ENDOU: variants seen among roughly 807,000 people sequenced by gnomAD.
The protein encoded by ENDOU is endonuclease, poly(U) specific.
Under a neutral mutation model 54.2 loss-of-function variants are expected in ENDOU, and 49 were observed. That is an observed-to-expected ratio of 0.90 (90% CI 0.72 to 1.15). ENDOU has a LOEUF of 1.15. ENDOU is among the 50% of genes most tolerant of loss of function. The pLI is 0.00. For synonymous variants in ENDOU, 172 were observed against 190.5 expected, an observed-to-expected ratio of 0.90 and a Z score of 0.80; for missense variants, 458 against 511.4, an observed-to-expected ratio of 0.90 and a Z score of 1.01.
At position 47,718,339 on chromosome 12, in the gene ENDOU, G is replaced by T. The variant is rs189035876; in HGVS notation, c.179-145C>A. 1.3e-3 allele frequency: 819 copies of T among 633,496 alleles called. 6 individuals carry two copies. The African/African-American group carries it at 0.014, about 11-fold the overall frequency. The allele number at this position is 633,496 out of a possible 1,614,324, so 39.2% of individuals were successfully genotyped here. A position where few individuals can be genotyped will look rare whatever the true frequency, so the allele number is the denominator to read the frequency against. On this transcript the variant is annotated intron_variant, in intron 2 of 9. Coordinates refer to ENST00000422538, the MANE Select transcript of ENDOU (RefSeq NM_001172439.2). ...AACAGGGGCTGGGGTCCAATGGACA[G>T]GCACCAAATAATGATGATGAAAACA...
rs145477608 is a variant in ENDOU at position 47,712,547 on chromosome 12, A to T, written c.941T>A (p.Val314Asp). 42 of 1,614,140 alleles carry T rather than the reference A, an allele frequency of 2.6e-5. No homozygotes were observed. In the African/African-American group the frequency reaches 4.8e-4, roughly 18 times the overall value. Residue 314 changes from valine to aspartate, a missense_variant, in exon 8 of 10, where the codon GTT becomes GAT. Val to Asp is a radical substitution (Grantham distance 152, BLOSUM62 -3). Transcript: ENST00000422538. The part of the protein sequence containing the change: ...RFYLEEKEGL[V>D]DYYSHIYDGP... ...ATCGTAGATGTGACTGTAATAGTCA[A>T]CCAGACCCTCCTTCTCCTCCAGGTA... is the stretch of plus-strand genomic sequence containing the variant.
At position 47,725,466 on chromosome 12, in the gene ENDOU, C is replaced by A; in HGVS notation, c.-53G>T. 1 of 1,545,068 alleles carries A rather than the reference C, an allele frequency of 6.5e-7. No homozygotes were observed. The highest frequency in any genetic ancestry group is 1.1e-5 in the South Asian group (1 of 89,424). On this transcript the variant is annotated 5_prime_UTR_variant, in exon 1 of 10. Transcript: ENST00000422538. ...GTGGCTGTTGGACTTTCACTAGAGT[C>A]AGATGAATGTCACAGCTCTCAGACG...
At chr12:47,715,884 C>T (rs758171656) in intron 6 of ENDOU, among the ~76,000 whole-genome samples, 2 of 151,896 alleles carry the variant, frequency 1.3e-5, no homozygotes, top group African/African-American at 4.8e-5. Context: ...GACTTTATTG[C>T]GGGAGGAGGG....
chr12:47,714,051 A>G (rs1315390278), intron 6 of ENDOU, among the ~76,000 whole-genome samples: 1 of 152,206 alleles, frequency 6.6e-6, no homozygotes, highest in Non-Finnish European at 1.5e-5. Context: ...ATAAAACAAA[A>G]AATGTTTTAG....
chr12:47,715,209 G>A (rs1194906743), intron 6 of ENDOU, among the ~76,000 whole-genome samples: 1 of 152,220 alleles, frequency 6.6e-6, no homozygotes, highest in African/African-American at 2.4e-5. Context: ...AGCTGGGGCA[G>A]GTGCAGCCTT....
intron 6 of ENDOU, among the ~76,000 whole-genome samples, chr12:47,713,839 A>C (rs1249375808): frequency 6.6e-6 from 1 of 151,932 alleles, no homozygotes; most frequent in Admixed American, 6.6e-5. Flanking sequence ...CTACACAAAG[A>C]TCTGTGGGGA....
rs1176088871 is a variant in ENDOU, at chr12:47,712,580, A to G, written c.908T>C (p.Ile303Thr). The change falls in exon 8 of 10, where the codon ATC becomes ACC. Residue 303 changes from isoleucine to threonine, a missense_variant. By Grantham distance (89) the Ile-to-Thr change is moderately conservative. Transcript: ENST00000422538. The stretch of plus-strand genomic sequence containing the variant: ...CTCCTTCTCCTCCAGGTAGAAGCGG[A>G]TCCAGTTATGGAAGCCAGTAACCTT... ...KGKVTGFHNW[I>T]RFYLEEKEGL... 6.2e-7 allele frequency: 1 copy of G among 1,614,058 alleles called. No homozygotes were observed. The highest frequency in any genetic ancestry group is 8.5e-7 in the Non-Finnish European group (1 of 1,180,030).
rs1940260186 is a variant in ENDOU, at chr12:47,716,871, A to G, written c.551+19T>C. 1 of 1,613,132 alleles carries G rather than the reference A, an allele frequency of 6.2e-7. No homozygotes were observed. Among genetic ancestry groups the G allele is most frequent in the Non-Finnish European group, 8.5e-7 (1 of 1,179,626 alleles). ...GGGGCAAGATTTAGGGGGTAGAAAG[A>G]GGAATTGTGGGAACTCACGGCTTTG... On this transcript the variant is annotated intron_variant, in intron 5 of 9. Transcript: ENST00000422538.
At chr12:47,723,155 GGAGAGCACC>G (rs1157912026) in intron 1 of ENDOU, among the ~76,000 whole-genome samples, 36 of 152,334 alleles carry the variant, frequency 2.4e-4, no homozygotes, top group African/African-American at 8.4e-4. Context: ...TGGACGTGCA[GGAGAGCACC>G]CCCGCCGGCC....
At position 47,718,084 on chromosome 12, in the gene ENDOU, C is replaced by T. The variant is rs1394437819; in HGVS notation, c.244+45G>A. ...GCCCCTGCTTGTCACCCTCATGTCC[C>T]TCCTGCTTTATCTTGAGGGCCCCCC... is the stretch of plus-strand genomic sequence containing the variant. On this transcript the variant is annotated intron_variant, in intron 3 of 9. Transcript: ENST00000422538. 4.6e-6 allele frequency: 7 copies of T among 1,512,406 alleles called. No homozygotes were observed. The African/African-American group carries it at 8.3e-5, about 18-fold the overall frequency. The allele number at this position is 1,512,406 out of a possible 1,614,324, so 93.7% of individuals were successfully genotyped here.
At chr12:47,723,057 T>C (rs1450680572) in intron 1 of ENDOU, among the ~76,000 whole-genome samples, 2 of 152,208 alleles carry the variant, frequency 1.3e-5, no homozygotes, top group East Asian at 3.8e-4. Flanking sequence ...ATGTTTTTAA[T>C]GGGCCAAATC....
intron 1 of ENDOU, among the ~76,000 whole-genome samples, chr12:47,723,237 A>G (rs911502958): frequency 5.9e-5 from 9 of 152,200 alleles, no homozygotes; most frequent in Admixed American, 5.2e-4. Flanking sequence ...GCCCCATGCC[A>G]GCACTTTCTC....
chr12:47,711,598 A>G (rs1248311245), intron 9 of ENDOU, 35 bp downstream of exon 9: 6 of 1,604,154 alleles, frequency 3.7e-6, no homozygotes, highest in Non-Finnish European at 1.7e-6. Flanking sequence ...CTGCAGCCCC[A>G]GTCTGCCCCC....
Position 47,712,622 on chromosome 12 carries a change from C to A in ENDOU, c.866G>T (p.Gly289Val). 1 of 1,611,264 alleles carries A rather than the reference C, an allele frequency of 6.2e-7. No individual in the cohort carries two copies. The highest frequency in any genetic ancestry group is 1.1e-5 in the South Asian group (1 of 90,900). Residue 289 changes from glycine (G) to valine (V), a missense_variant and splice_region_variant, in exon 8 of 10, where the codon GGT (glycine) becomes GTT (valine). Transcript: ENST00000422538. Reference protein sequence around the residue: ...DSSGFEHVFSGEVKKGKVTGF... With the variant: ...DSSGFEHVFSVEVKKGKVTGF... ...AGTAACCTTGCCTTTTTTTACCTCA[C>A]CTATAATAAAGAGTCCAAGATGGAT... is the stretch of plus-strand genomic sequence containing the variant.
chr12:47,717,675 G>T lies in ENDOU; in HGVS notation c.245-20C>A. 18 of 1,613,086 alleles carry T rather than the reference G, an allele frequency of 1.1e-5. No individual in the cohort carries two copies. Among genetic ancestry groups the T allele is most frequent in the Non-Finnish European group, 1.4e-5 (16 of 1,179,688 alleles). On this transcript the variant is annotated intron_variant, in intron 3 of 9. Transcript: ENST00000422538. The stretch of plus-strand genomic sequence containing the variant: ...ACAAGTCTGAGAAGAGAGGGGTGGT[G>T]TGTCCCGGGCTGACCTCTAGAGGTC...
rs1351455087 is a variant in ENDOU at position 47,716,952 on chromosome 12, G to A, written c.489C>T (p.Leu163=). The change falls in exon 5 of 10, where the codon CTC becomes CTT. Residue 163 remains leucine (L), a synonymous_variant. Coordinates refer to ENST00000422538, the MANE Select transcript of ENDOU (RefSeq NM_001172439.2). Reference sequence around the variant, plus strand: ...ACGGGGAGATGCAGTTTTGGCTATTGAGAACGATGTCTTCCTTCTGGGCTT... The same window carrying A: ...ACGGGGAGATGCAGTTTTGGCTATTAAGAACGATGTCTTCCTTCTGGGCTT... ...TNKAQKEDIV[L]NSQNCISPSE... is the part of the protein sequence containing the mutation. 1.2e-6 allele frequency: 2 copies of A among 1,614,054 alleles called. No homozygotes were observed. Among genetic ancestry groups the A allele is most frequent in the South Asian group, 1.1e-5 (1 of 91,092 alleles).
intron 5 of ENDOU, 118 bp downstream of exon 5, chr12:47,716,771 AT>A (rs1254911366): frequency 4.6e-5 from 49 of 1,073,928 alleles, no homozygotes; most frequent in African/African-American, 9.5e-5. Flanking sequence ...CTGGAGAACT[AT>A]TTTTTTTCTG....
At chr12:47,724,469 C>T (rs542417253) in intron 1 of ENDOU, among the ~76,000 whole-genome samples, 2 of 152,160 alleles carry the variant, frequency 1.3e-5, no homozygotes, top group Non-Finnish European at 2.9e-5. Context: ...ATAATCATAG[C>T]GAATTTCCAG....
At position 47,725,440 on chromosome 12, in the gene ENDOU, A is replaced by T. The variant is rs1317354941; in HGVS notation, c.-27T>A. 1.9e-6 allele frequency: 3 copies of T among 1,612,896 alleles called. No homozygotes were observed. The highest frequency in any genetic ancestry group is 2.2e-5 in the South Asian group (2 of 91,038). On this transcript the variant is annotated 5_prime_UTR_variant, in exon 1 of 10. Transcript: ENST00000422538. ...GTGCCCAGTTGGAGGCCAAAAAGGG[A>T]GTGGCTGTTGGACTTTCACTAGAGT... is the stretch of plus-strand genomic sequence containing the variant.
Sources: gnomAD v4.1 joint callset for allele counts (sites outside exome capture counted in the v4.1 genomes callset) on GRCh38, gnomAD v4.1.1 for gene constraint, MANE v1.5 for transcripts, NCBI Gene and HGNC (gene_info 2026-07-23, HGNC 2026-07-21) for gene names.